The following RFX8 variants were observed in gnomAD, a reference collection of about 807,000 sequenced individuals.
RFX8 encodes regulatory factor X8.
A neutral mutation model predicts 54.6 loss-of-function variants in RFX8; 46 were observed. The observed-to-expected ratio is 0.84, with a 90% confidence interval of 0.67 to 1.08. RFX8 has a LOEUF of 1.08. Among genes scored for constraint, RFX8 ranks in the 50% least tolerant of loss-of-function variants. The pLI is 0.00. For synonymous variants in RFX8, 192 were observed against 209.5 expected (o/e 0.92, Z 0.72); for missense variants, 536 against 562.3 (o/e 0.95, Z 0.47).
chr2:101,466,309 G>A (rs1358074260), intron 2 of RFX8, among the ~76,000 whole-genome samples: 13 of 132,466 alleles, frequency 9.8e-5, no homozygotes, highest in African/African-American at 8.4e-5. Context: ...TTCTATCTCG[G>A]AAAAAAAAAA....
rs189039669 is a variant in RFX8, at chr2:101,421,664, G to A, written c.237+60C>T. On this transcript the variant is annotated intron_variant, in intron 4 of 11. Transcript: ENST00000428343. ...TTCAAATAAAAATGATTAATAAGGA[G>A]TCATAAATGCTTGTATTTTATAGAT... 9.5e-5 allele frequency: 145 copies of A among 1,520,382 alleles called. 2 individuals are homozygous for A. The Admixed American group carries it at 3.2e-3, about 34-fold the overall frequency. 94.2% of individuals were successfully genotyped at this position (1,520,382 alleles called of 1,614,324 possible).
chr2:101,422,413 C>T lies in RFX8; in HGVS notation c.132G>A (p.Arg44=), dbSNP rs374167633. The stretch of plus-strand genomic sequence containing the variant: ...GTTCTTGCTCCAGAAATGGACATCT[C>T]CTGAATTCAGACAAAGGGGATCCAA... The part of the protein sequence containing the change: ...DPVGSPLSEF[R]RCPFLEQEQA... Residue 44 remains arginine, a synonymous_variant, in exon 3 of 12, where the codon AGG becomes AGA. Transcript: ENST00000428343. The T allele has an allele frequency of 1.9e-6, 3 of 1,550,302 alleles. No individual in the cohort carries two copies. Among genetic ancestry groups the T allele is most frequent in the Non-Finnish European group, 2.6e-6 (3 of 1,145,788 alleles).
chr2:101,425,766 A>G lies in RFX8; in HGVS notation c.73-3294T>C, dbSNP rs776970302. ...TAAATGGAAATATTTCCTTTACAAC[A>G]TAAACAATCAGAAACCTAAAGTAAA... is the stretch of plus-strand genomic sequence containing the variant. On this transcript the variant is annotated intron_variant, in intron 2 of 11. Transcript: ENST00000428343. Among the ~76,000 whole-genome samples, 147 of 152,334 alleles carry G rather than the reference A, an allele frequency of 9.6e-4. No individual in the cohort carries two copies. In the Middle Eastern group the frequency reaches 0.01, roughly 11 times the overall value.
chr2:101,437,501 C>A (rs943475632), intron 2 of RFX8, among the ~76,000 whole-genome samples: 1 of 151,902 alleles, frequency 6.6e-6, no homozygotes, highest in South Asian at 2.1e-4. Flanking sequence ...TCATTTGAGC[C>A]TAGGCGGTCA....
At chr2:101,412,750 G>T (rs1573371381) in intron 8 of RFX8, among the ~76,000 whole-genome samples, 165 bp downstream of exon 8, 1 of 152,194 alleles carries the variant, frequency 6.6e-6, no homozygotes, top group Non-Finnish European at 1.5e-5. Context: ...GTCCCCTGGG[G>T]TGTTCATCAC....
At chr2:101,402,872 C>G (rs1685528050) in intron 10 of RFX8, 120 bp from the exon 11 acceptor site, 2 of 918,486 alleles carry the variant, frequency 2.2e-6, no homozygotes, top group Admixed American at 5.5e-5. Context: ...GTTCCAATAG[C>G]TTACCCAGAA....
At chr2:101,406,695 T>C (rs1174020852) in intron 9 of RFX8, among the ~76,000 whole-genome samples, 1 of 152,158 alleles carries the variant, frequency 6.6e-6, no homozygotes, top group Non-Finnish European at 1.5e-5. Context: ...AGAAACACCG[T>C]AGGGACAGCC....
At chr2:101,473,333 G>T (rs1360866342) in intron 1 of RFX8, among the ~76,000 whole-genome samples, 1 of 152,156 alleles carries the variant, frequency 6.6e-6, no homozygotes, top group Non-Finnish European at 1.5e-5. Flanking sequence ...GGCCTGGGTC[G>T]GTGAGTGTAG....
chr2:101,397,501 G>T lies in RFX8; in HGVS notation c.*47C>A. 1.6e-6 allele frequency: 2 copies of T among 1,274,920 alleles called. No individual in the cohort carries two copies. Among genetic ancestry groups the T allele is most frequent in the South Asian group, 1.6e-5 (1 of 63,142 alleles). 79.0% of individuals were successfully genotyped at this position (1,274,920 alleles called of 1,614,324 possible). ...AAACTTTAGTATTTAATATTTTTAA[G>T]AATGCAAGTCTATCAGTTTTCTTAT... On this transcript the variant is annotated 3_prime_UTR_variant, in exon 12 of 12. Transcript: ENST00000428343.
chr2:101,419,241 G>C (rs1315605184), intron 4 of RFX8, among the ~76,000 whole-genome samples: 1 of 152,136 alleles, frequency 6.6e-6, no homozygotes, highest in African/African-American at 2.4e-5. Flanking sequence ...TGACCACAAG[G>C]GGGCTCCAGT....
intron 5 of RFX8, 86 bp from the exon 6 acceptor site, chr2:101,417,770 T>C (rs1573384446): frequency 8.6e-7 from 1 of 1,167,584 alleles, no homozygotes; most frequent in Non-Finnish European, 1.2e-6. Context: ...ACAGGGCGGG[T>C]CTCAAGAAGT....
At position 101,410,695 on chromosome 2, in the gene RFX8, G is replaced by T. The variant is rs773146431; in HGVS notation, c.737C>A (p.Ser246Tyr). The T allele has an allele frequency of 2.1e-5, 33 of 1,537,024 alleles. 1 individual carries two copies. The South Asian group carries it at 3.7e-4, about 17-fold the overall frequency. ...GAGATCTGTTGATGTTCCCAGCAAA[G>T]AAATTAAGTTTCTTAAACCTACAAA... ...PEMKCLRNLI[S>Y]LLGTSTDLRV... Residue 246 changes from serine (S) to tyrosine (Y), a missense_variant, in exon 9 of 12, where the codon TCT becomes TAT. By Grantham distance (144) the Ser-to-Tyr change is moderately radical (BLOSUM62 -2). Transcript: ENST00000428343.
rs542282030 is a variant in RFX8, at chr2:101,428,150, C to T, written c.73-5678G>A. 6.6e-5 allele frequency among the ~76,000 whole-genome samples: 10 copies of T among 152,110 alleles called. No individual in the cohort carries two copies. In the South Asian group the frequency reaches 1.5e-3, roughly 22 times the overall value. ...CTCTACGAAAAATACAAAAATTAGC[C>T]GGCGTGGTTGCAGGCACCTGTAATC... On this transcript the variant is annotated intron_variant, in intron 2 of 11. Coordinates refer to ENST00000428343, the MANE Select transcript of RFX8 (RefSeq NM_001145664.2).
At chr2:101,429,738 A>C (rs1025316320) in intron 2 of RFX8, among the ~76,000 whole-genome samples, 1 of 152,118 alleles carries the variant, frequency 6.6e-6, no homozygotes, top group Non-Finnish European at 1.5e-5. Context: ...GTCAGCACAC[A>C]TCCTCATGCC....
At chr2:101,401,650 A>G (rs761705419) in intron 11 of RFX8, among the ~76,000 whole-genome samples, 52 of 152,114 alleles carry the variant, frequency 3.4e-4, no homozygotes, top group Non-Finnish European at 6.0e-4. Context: ...CCCACTCCTC[A>G]ATGGAGGCAT....
rs1174722371 is a variant in RFX8, at chr2:101,402,435, C to T, written c.1245+1G>A. On this transcript the variant is annotated splice_donor_variant, in intron 11 of 11. Coordinates refer to ENST00000428343, the MANE Select transcript of RFX8 (RefSeq NM_001145664.2). LOFTEE classifies it high-confidence loss of function. ...GTGGAAGGGGGTCCTGGTGTCCCTA[C>T]CTTATTGCCCATGGCAGTGTCCACC... 1 of 1,543,784 alleles carries T rather than the reference C, an allele frequency of 6.5e-7. No individual in the cohort carries two copies. Among genetic ancestry groups the T allele is most frequent in the Admixed American group, 2.0e-5 (1 of 50,786 alleles).
At chr2:101,455,590 C>G (rs1028113296) in intron 2 of RFX8, among the ~76,000 whole-genome samples, 13 of 152,188 alleles carry the variant, frequency 8.5e-5, no homozygotes, top group Non-Finnish European at 1.6e-4. Context: ...TGTTTTGGTA[C>G]CAGTACCATG....
chr2:101,439,490 A>C lies in RFX8; in HGVS notation c.73-17018T>G, dbSNP rs143305998. On this transcript the variant is annotated intron_variant, in intron 2 of 11. Coordinates refer to ENST00000428343, the MANE Select transcript of RFX8 (RefSeq NM_001145664.2). ...CAGTGATTTTGTCCAAGGTTTTTAA[A>C]GTTTAATATTATGTTTTAAATTTAA... is the stretch of plus-strand genomic sequence containing the variant. Among the ~76,000 whole-genome samples the C allele has an allele frequency of 4.0e-3, 616 of 152,142 alleles. 3 individuals are homozygous for C. The highest frequency in any genetic ancestry group is 0.014 in the African/African-American group (584 of 41,522).
chr2:101,421,687 G>C, intron 4 of RFX8, 37 bp downstream of exon 4: 2 of 1,540,516 alleles, frequency 1.3e-6, no homozygotes, highest in Non-Finnish European at 1.7e-6. Flanking sequence ...GTATTTTATA[G>C]ATAAAACCCT....
Sources: allele counts gnomAD v4.1 joint callset (sites outside exome capture counted in the v4.1 genomes callset), GRCh38; gene constraint gnomAD v4.1.1; transcripts MANE v1.5; gene names NCBI Gene and HGNC (gene_info 2026-07-23, HGNC 2026-07-21).